The following CDK14 variants were observed in gnomAD, a reference collection of about 807,000 sequenced individuals.
The protein encoded by CDK14 is cyclin-dependent kinase 14.
CDK14 carries 34 observed loss-of-function variants against 60.7 expected under a neutral mutation model. That is an observed-to-expected ratio of 0.56 (90% CI 0.43 to 0.75). The LOEUF is 0.75. CDK14 is among the 30% of genes least tolerant of loss of function. CDK14 has a pLI of 0.00. For missense variants in CDK14, 482 were observed against 564.1 expected (o/e 0.85, Z 1.47); for synonymous variants, 197 against 203.7 (o/e 0.97, Z 0.28).
intron 4 of CDK14, among the ~76,000 whole-genome samples, chr7:90,757,209 A>AGTGTGTGTGTGTGTGTGTGTGT (rs56790315): frequency 1.0e-4 from 12 of 120,364 alleles, no homozygotes; most frequent in South Asian, 2.9e-4. Flanking sequence ...GCATTCTTCC[A>AGTGTGTGTGTGTGTGTGTGTGT]GTGTGTGTGT....
At chr7:91,176,139 C>T (rs1294811883) in intron 14 of CDK14, among the ~76,000 whole-genome samples, 6 of 151,568 alleles carry the variant, frequency 4.0e-5, no homozygotes, top group African/African-American at 1.5e-4. Flanking sequence ...CAAACTAGAA[C>T]TCAGGATTAA....
chr7:91,139,795 T>TTTC (rs1800394816), intron 14 of CDK14, among the ~76,000 whole-genome samples: 1 of 133,486 alleles, frequency 7.5e-6, no homozygotes, highest in Non-Finnish European at 1.5e-5. Flanking sequence ...CCTTTCTTTC[T>TTTC]TTCTTTCTTT....
intron 11 of CDK14, among the ~76,000 whole-genome samples, chr7:91,058,848 T>C (rs545033255): frequency 9.2e-5 from 14 of 152,232 alleles, no homozygotes; most frequent in Non-Finnish European, 1.9e-4. Context: ...TTATCACGGA[T>C]ATTGGTCTAA....
At chr7:90,846,480 T>C (rs1790473708) in intron 5 of CDK14, among the ~76,000 whole-genome samples, 2 of 152,198 alleles carry the variant, frequency 1.3e-5, no homozygotes, top group African/African-American at 2.4e-5. Context: ...CAGGAAATGT[T>C]TGAATGGAGA....
intron 2 of CDK14, among the ~76,000 whole-genome samples, chr7:90,659,005 T>G (rs928412999): frequency 6.6e-6 from 1 of 152,210 alleles, no homozygotes; most frequent in Non-Finnish European, 1.5e-5. Flanking sequence ...GTGTGTCTGG[T>G]ACTCTCCCTA....
chr7:91,035,445 G>T (rs1170340793), intron 10 of CDK14, among the ~76,000 whole-genome samples: 1 of 152,084 alleles, frequency 6.6e-6, no homozygotes, highest in African/African-American at 2.4e-5. Flanking sequence ...TTGTTGTCAT[G>T]TGGCTCCGCA....
At chr7:90,917,764 GTGAGAA>G in intron 8 of CDK14, 40 bp downstream of exon 8, 3 of 1,603,640 alleles carry the variant, frequency 1.9e-6, no homozygotes, top group Non-Finnish European at 2.6e-6. Context: ...TTGTCATACT[GTGAGAA>G]TGCCAGGCAG....
At chr7:90,825,629 A>G (rs536421356) in intron 5 of CDK14, among the ~76,000 whole-genome samples, 3 of 152,344 alleles carry the variant, frequency 2.0e-5, no homozygotes, top group African/African-American at 7.2e-5. Flanking sequence ...ATTTCTTTGT[A>G]TAACCTTAAA....
rs370715620 is a variant in CDK14, at chr7:90,889,465, G to C, written c.640-9826G>C. ...AGGCTGCCCGTACATTTTGGATTCA[G>C]AAATGACAGCTGAAATCATTTAGAC... On this transcript the variant is annotated intron_variant, in intron 6 of 14. Transcript: ENST00000380050. Among the ~76,000 whole-genome samples, 231 of 152,310 alleles carry C rather than the reference G, an allele frequency of 1.5e-3. 9 individuals carry two copies. In the South Asian group the frequency reaches 0.047, roughly 31 times the overall value.
intron 2 of CDK14, among the ~76,000 whole-genome samples, chr7:90,655,303 A>C (rs886704445): frequency 6.6e-6 from 1 of 152,202 alleles, no homozygotes; most frequent in African/African-American, 2.4e-5. Context: ...ATTATGAATA[A>C]AGCTTCTGTA....
chr7:90,772,736 A>G (rs1206973082), intron 4 of CDK14, among the ~76,000 whole-genome samples: 2 of 152,184 alleles, frequency 1.3e-5, no homozygotes, highest in Non-Finnish European at 2.9e-5. Context: ...TTTCTTATAA[A>G]CAACCGAGTT....
At chr7:90,870,921 T>C (rs1031788863) in intron 6 of CDK14, among the ~76,000 whole-genome samples, 1 of 152,228 alleles carries the variant, frequency 6.6e-6, no homozygotes, top group Non-Finnish European at 1.5e-5. Context: ...TAGTTTGAGA[T>C]ATTTATGAGA....
intron 9 of CDK14, among the ~76,000 whole-genome samples, chr7:90,983,407 C>T (rs953669616): frequency 3.6e-4 from 54 of 152,082 alleles, no homozygotes; most frequent in African/African-American, 1.1e-3. Flanking sequence ...TGGCCATGTG[C>T]GGTGGCTCAT....
At chr7:90,812,151 T>G (rs898997747) in intron 5 of CDK14, among the ~76,000 whole-genome samples, 1 of 152,198 alleles carries the variant, frequency 6.6e-6, no homozygotes, top group African/African-American at 2.4e-5. Context: ...CATGCTGTTA[T>G]AAAGACACAT....
intron 14 of CDK14, among the ~76,000 whole-genome samples, chr7:91,177,436 C>G (rs1192425593): frequency 6.6e-6 from 1 of 151,802 alleles, no homozygotes; most frequent in Non-Finnish European, 1.5e-5. Context: ...TCCTATTCAA[C>G]ATAGTGTTGG....
chr7:90,895,372 TCC>T (rs1246003362), intron 6 of CDK14, among the ~76,000 whole-genome samples: 51 of 5,970 alleles, frequency 8.5e-3, no homozygotes, highest in South Asian at 0.036. Context: ...TCTCCTCCCC[TCC>T]CCTCTCCTCT....
intron 6 of CDK14, among the ~76,000 whole-genome samples, chr7:90,887,043 T>C (rs1003426635): frequency 3.9e-5 from 6 of 152,186 alleles, no homozygotes; most frequent in Non-Finnish European, 2.9e-5. Context: ...TTTTAACTTT[T>C]GGCAGTACTC....
rs1800296610 is a variant in CDK14 at position 91,136,969 on chromosome 7, T to C, written c.*28+18761T>C. Among the ~76,000 whole-genome samples the C allele has an allele frequency of 2.0e-5, 3 of 152,308 alleles. No individual in the cohort carries two copies. In the South Asian group the frequency reaches 6.2e-4, roughly 32 times the overall value. On this transcript the variant is annotated intron_variant, in intron 14 of 14. Coordinates refer to ENST00000380050, the MANE Select transcript of CDK14 (RefSeq NM_001287135.2). Reference sequence around the variant, plus strand: ...TAAGAGAAAAGTTATGCCCTCTTCATTGATAATTAGGAAATCTTTTATCAG... The same window carrying C: ...TAAGAGAAAAGTTATGCCCTCTTCACTGATAATTAGGAAATCTTTTATCAG...
At chr7:90,649,163 G>T (rs986709223) in intron 2 of CDK14, among the ~76,000 whole-genome samples, 2 of 152,048 alleles carry the variant, frequency 1.3e-5, no homozygotes, top group African/African-American at 4.8e-5. Context: ...AATGCAGTAG[G>T]GAGAGAAAGG....
Sources: gnomAD v4.1 joint callset for allele counts (sites outside exome capture counted in the v4.1 genomes callset) on GRCh38, gnomAD v4.1.1 for gene constraint, MANE v1.5 for transcripts, NCBI Gene and HGNC (gene_info 2026-07-23, HGNC 2026-07-21) for gene names.